CFAP47: variants seen among roughly 807,000 people sequenced by gnomAD.
CFAP47 encodes the protein cilia- and flagella-associated protein 47.
CFAP47 carries 29 observed loss-of-function variants against 148.1 expected under a neutral mutation model. That is an observed-to-expected ratio of 0.20 (90% CI 0.15 to 0.27). CFAP47 has a LOEUF of 0.27. Ranked by LOEUF, CFAP47 falls within the 10% of genes least tolerant of loss-of-function variation. The pLI, the probability that CFAP47 is intolerant of heterozygous loss-of-function variation, is 1.00. For missense variants in CFAP47, 1,872 were observed against 1,697.5 expected (o/e 1.10, Z -1.81); for synonymous variants, 664 against 577.3 (o/e 1.15, Z -2.15).
chrX:36,234,349 CTTCATTTCA>C (rs1555993547), intron 46 of CFAP47, among the ~76,000 whole-genome samples: 1 of 111,472 alleles, frequency 9.0e-6, no homozygotes, highest in African/African-American at 3.3e-5. Flanking sequence ...TCCCTTCTCT[CTTCATTTCA>C]TTCATTTCAT....
chrX:36,234,340 C>G (rs1176659934), intron 46 of CFAP47, among the ~76,000 whole-genome samples: 2 of 111,203 alleles, frequency 1.8e-5, no homozygotes, highest in Admixed American at 9.6e-5. Context: ...CTCTAAACTT[C>G]CCTTCTCTCT....
At chrX:36,307,420 A>C (rs192127170) in intron 55 of CFAP47, among the ~76,000 whole-genome samples, 74 of 111,036 alleles carry the variant, frequency 6.7e-4, no homozygotes, top group African/African-American at 2.3e-3. Flanking sequence ...ATGCATCAGG[A>C]ATCTGAGACA....
At chrX:36,006,224 T>A (rs1028910082) in intron 21 of CFAP47, among the ~76,000 whole-genome samples, 4 of 111,009 alleles carry the variant, frequency 3.6e-5, no homozygotes, top group African/African-American at 1.3e-4. Context: ...TATTTCTTAA[T>A]GTTTAGGATT....
chrX:35,976,397 C>G (rs1402728894), intron 15 of CFAP47, among the ~76,000 whole-genome samples: 1 of 111,766 alleles, frequency 8.9e-6, no homozygotes, highest in Non-Finnish European at 1.9e-5. Flanking sequence ...GAAAGGTAAT[C>G]TGCATGTTAA....
At chrX:36,336,262 C>G (rs977005924) in intron 57 of CFAP47, among the ~76,000 whole-genome samples, 3 of 103,398 alleles carry the variant, frequency 2.9e-5, no homozygotes, top group Admixed American at 2.1e-4. Flanking sequence ...CACACACACA[C>G]ACACACACAC....
rs190582340 is a variant in CFAP47, at chrX:36,343,134, A to G, written c.8444-4995A>G. On this transcript the variant is annotated intron_variant, in intron 57 of 63. Coordinates refer to ENST00000378653, the MANE Select transcript of CFAP47 (RefSeq NM_001304548.2). ...AGCTTCATCCACGTCCCTGCAAAAG[A>G]CATGAACTCATTCTTTTTTATGGCT... is the stretch of plus-strand genomic sequence containing the variant. 8.9e-5 allele frequency among the ~76,000 whole-genome samples: 10 copies of G among 111,856 alleles called. No homozygotes were observed. The Admixed American group carries it at 9.5e-4, about 11-fold the overall frequency.
rs782504554 is a variant in CFAP47 at position 36,212,794 on chromosome X, C to T, written c.6817+7684C>T. On this transcript the variant is annotated intron_variant, in intron 45 of 63. Transcript: ENST00000378653. The stretch of plus-strand genomic sequence containing the variant: ...GAATACAAGCCTCCATTGATCATCC[C>T]CTCTCCAAGGACACCAATTTAAAAA... Among the ~76,000 whole-genome samples, 14 of 110,919 alleles carry T rather than the reference C, an allele frequency of 1.3e-4. No individual in the cohort carries two copies. The East Asian group carries it at 4.0e-3, about 32-fold the overall frequency.
intron 63 of CFAP47, among the ~76,000 whole-genome samples, chrX:36,380,776 T>C (rs886620205): frequency 1.8e-5 from 2 of 112,447 alleles, no homozygotes; most frequent in Middle Eastern, 4.2e-3. Context: ...ATATTGTACT[T>C]GCTTCAGTTT....
In CFAP47 at chrX:35,924,355, G is replaced by C. The variant is rs759586880; in HGVS notation, c.250-1662G>C. Among the ~76,000 whole-genome samples, 4 of 100,750 alleles carry C rather than the reference G, an allele frequency of 4.0e-5. No homozygotes were observed. The East Asian group carries it at 1.2e-3, about 30-fold the overall frequency. The allele number at this position is 100,750 out of a possible 115,157, so 87.5% of individuals were successfully genotyped here. Reference sequence around the variant, plus strand: ...TGTGTACATATATGTGTGCATATGTGTATATATGTATATGTGCATATATGC... The same window carrying C: ...TGTGTACATATATGTGTGCATATGTCTATATATGTATATGTGCATATATGC... On this transcript the variant is annotated intron_variant, in intron 1 of 63. Coordinates refer to ENST00000378653, the MANE Select transcript of CFAP47 (RefSeq NM_001304548.2).
chrX:36,163,896 C>G (rs1456370080), intron 39 of CFAP47, among the ~76,000 whole-genome samples: 1 of 112,042 alleles, frequency 8.9e-6, no homozygotes, highest in African/African-American at 3.2e-5. Flanking sequence ...AGGCATGAGC[C>G]ACCATGCCCA....
intron 7 of CFAP47, 49 bp from the exon 8 acceptor site, chrX:35,955,912 G>T (rs771838651): frequency 8.4e-7 from 1 of 1,191,237 alleles, no homozygotes; most frequent in Non-Finnish European, 1.1e-6. Context: ...AATATATTCT[G>T]GATTCCCCAA....
chrX:36,174,163 C>T (rs1939631542), intron 39 of CFAP47, among the ~76,000 whole-genome samples: 1 of 107,887 alleles, frequency 9.3e-6, no homozygotes, highest in Non-Finnish European at 1.9e-5. Flanking sequence ...GTAGATCTTC[C>T]TCCATCCTTT....
intron 62 of CFAP47, chrX:36,374,933 C>CT: frequency 7.0e-6 from 4 of 573,164 alleles, no homozygotes; most frequent in South Asian, 6.9e-5. Flanking sequence ...TTTTCTAGAC[C>CT]TTTGAGTTGC....
chrX:36,036,567 G>A (rs1937341174), intron 24 of CFAP47, among the ~76,000 whole-genome samples: 1 of 111,607 alleles, frequency 9.0e-6, no homozygotes, highest in African/African-American at 3.3e-5. Flanking sequence ...GGATCATATG[G>A]TAGTTCTATT....
intron 26 of CFAP47, among the ~76,000 whole-genome samples, chrX:36,052,151 G>T (rs1937522321): frequency 8.9e-6 from 1 of 111,879 alleles, no homozygotes; most frequent in South Asian, 3.7e-4. Context: ...GTCATTAACA[G>T]CAAAGCTAAT....
At chrX:36,008,940 T>A (rs889348970) in intron 21 of CFAP47, among the ~76,000 whole-genome samples, 1 of 111,242 alleles carries the variant, frequency 9.0e-6, no homozygotes, top group Admixed American at 9.6e-5. Context: ...AGACTCATAG[T>A]ATATCCGGTA....
intron 35 of CFAP47, among the ~76,000 whole-genome samples, chrX:36,143,701 T>C (rs776080380): frequency 2.7e-5 from 3 of 112,130 alleles, no homozygotes; most frequent in African/African-American, 9.7e-5. Context: ...CAGCTTACGT[T>C]CTGGCTATGT....
chrX:36,059,889 T>C (rs1180256420), intron 26 of CFAP47, among the ~76,000 whole-genome samples: 3 of 111,237 alleles, frequency 2.7e-5, no homozygotes, highest in Non-Finnish European at 3.8e-5. Flanking sequence ...CAGGTAATGA[T>C]TGAGTTCTCG....
chrX:36,076,637 G>T (rs967597161), intron 29 of CFAP47, among the ~76,000 whole-genome samples: 7 of 110,986 alleles, frequency 6.3e-5, no homozygotes, highest in African/African-American at 2.0e-4. Context: ...ATGGATATTA[G>T]ACCTTTGTCA....
Sources: allele counts gnomAD v4.1 joint callset (sites outside exome capture counted in the v4.1 genomes callset), GRCh38; gene constraint gnomAD v4.1.1; transcripts MANE v1.5; gene names NCBI Gene and HGNC (gene_info 2026-07-23, HGNC 2026-07-21).